STMP1: variants seen among roughly 807,000 people sequenced by gnomAD.
The protein encoded by STMP1 is mitolamban.
STMP1 carries 7 observed loss-of-function variants against 7.0 expected under a neutral mutation model. The ratio of observed to expected loss-of-function variants is 1.01; its 90% CI spans 0.57 to 1.89. STMP1 has a LOEUF of 1.89. Ranked by LOEUF, STMP1 falls within the 40% of genes most tolerant of loss-of-function variation. The pLI is 0.00. For missense variants in STMP1, 45 were observed against 53.0 expected (o/e 0.85, Z 0.47); for synonymous variants, 19 against 18.4 (o/e 1.03, Z -0.08).
At chr7:135,666,933 A>C (rs1052440902) in intron 1 of STMP1, among the ~76,000 whole-genome samples, 3 of 152,150 alleles carry the variant, frequency 2.0e-5, no homozygotes, top group Non-Finnish European at 2.9e-5. Flanking sequence ...CAACTTTTTG[A>C]GGAACTTTTG....
At chr7:135,667,696 CA>C (rs1160710672) in intron 1 of STMP1, among the ~76,000 whole-genome samples, 4 of 151,368 alleles carry the variant, frequency 2.6e-5, no homozygotes, top group South Asian at 2.1e-4. Flanking sequence ...TGATGAGGTC[CA>C]ATTTTTTTTT....
intron 1 of STMP1, among the ~76,000 whole-genome samples, chr7:135,664,871 A>G (rs1162521024): frequency 6.6e-6 from 1 of 152,122 alleles, no homozygotes; most frequent in Non-Finnish European, 1.5e-5. Flanking sequence ...AATGACCATC[A>G]TGTTCTAGTG....
rs1245989067 is a variant in STMP1, at chr7:135,675,657, G to A, written c.*1492G>A. The A allele has an allele frequency of 6.6e-6, 1 of 152,174 alleles. No homozygotes were observed. Among genetic ancestry groups the A allele is most frequent in the East Asian group, 1.9e-4 (1 of 5,194 alleles). 9.4% of individuals were successfully genotyped at this position (152,174 alleles called of 1,614,324 possible). A position where few individuals can be genotyped will look rare whatever the true frequency, so the allele number is the denominator to read the frequency against. On this transcript the variant is annotated 3_prime_UTR_variant, in exon 3 of 3. Coordinates refer to ENST00000507606, the MANE Select transcript of STMP1 (RefSeq NM_001130929.2). ...CTAGCTGTTTTGTTTCAGAGGACTT[G>A]TTGAGCAGCTTCACTAATAATGCCA...
At chr7:135,663,525 A>G (rs1432319510) in intron 1 of STMP1, among the ~76,000 whole-genome samples, 3 of 151,754 alleles carry the variant, frequency 2.0e-5, no homozygotes, top group South Asian at 4.2e-4. Context: ...TTGTATTTTT[A>G]GTAGAGACGG....
intron 1 of STMP1, among the ~76,000 whole-genome samples, chr7:135,671,502 G>A (rs955736927): frequency 4.6e-5 from 7 of 152,182 alleles, no homozygotes; most frequent in Non-Finnish European, 7.4e-5. Flanking sequence ...GAGAAATTAA[G>A]CTCCAGATGG....
At chr7:135,672,878 A>C (rs751522873) in intron 2 of STMP1, 72 bp downstream of exon 2, 4 of 1,244,656 alleles carry the variant, frequency 3.2e-6, no homozygotes, top group Non-Finnish European at 4.6e-6. Flanking sequence ...TGTTTGAGGT[A>C]AGGTGTGACT....
chr7:135,662,769 A>G (rs1467226585), intron 1 of STMP1, among the ~76,000 whole-genome samples, 175 bp downstream of exon 1: 1 of 152,140 alleles, frequency 6.6e-6, no homozygotes, highest in Non-Finnish European at 1.5e-5. Flanking sequence ...CTGCCTCCCC[A>G]GAAAATCCCT....
chr7:135,667,973 T>C (rs1406383668), intron 1 of STMP1, among the ~76,000 whole-genome samples: 1 of 152,232 alleles, frequency 6.6e-6, no homozygotes, highest in Non-Finnish European at 1.5e-5. Flanking sequence ...TAGTGTGAGA[T>C]AGGAGTCCAC....
chr7:135,665,706 C>T (rs1027040462), intron 1 of STMP1: 1 of 151,962 alleles, frequency 6.6e-6, no homozygotes. Context: ...TGAGCACCCC[C>T]CTTTCTTTTA....
rs535529826 is a variant in STMP1 at position 135,663,632 on chromosome 7, C to T, written c.15+1038C>T. 1.5e-4 allele frequency among the ~76,000 whole-genome samples: 23 copies of T among 152,222 alleles called. 1 individual carries two copies. The South Asian group carries it at 3.1e-3, about 21-fold the overall frequency. On this transcript the variant is annotated intron_variant, in intron 1 of 2. Transcript: ENST00000507606. ...GTGCTGGGATTACAGGCGTGAGCCA[C>T]TGCTCCCGGCTCAAATGCTGTATCT... is the stretch of plus-strand genomic sequence containing the variant.
chr7:135,672,368 G>A (rs1255462253), intron 1 of STMP1, among the ~76,000 whole-genome samples: 1 of 152,230 alleles, frequency 6.6e-6, no homozygotes, highest in African/African-American at 2.4e-5. Context: ...AAAAATTGCA[G>A]CATGCAACAA....
In STMP1 at chr7:135,674,162, A is replaced by G. The variant is rs530027937; in HGVS notation, c.141A>G (p.Ala47=). Residue 47 remains alanine, a synonymous_variant, in exon 3 of 3, where the codon GCA becomes GCG. Transcript: ENST00000507606. ...ATGCCAAGAAGAAACCCCCTAGTGC[A>G]TGAGACTGCCTCCAGCACTGCCTTC... ...DLDAKKKPPS[A] 494 of 1,547,908 alleles carry G rather than the reference A, an allele frequency of 3.2e-4. 4 individuals carry two copies. The South Asian group carries it at 5.7e-3, about 18-fold the overall frequency.
intron 1 of STMP1, among the ~76,000 whole-genome samples, chr7:135,663,563 C>G (rs148346249): frequency 6.6e-6 from 1 of 152,100 alleles, no homozygotes; most frequent in Non-Finnish European, 1.5e-5. Flanking sequence ...AGGCTGGTCT[C>G]GAACTCCTGA....
At chr7:135,673,951 A>G (rs1795382956) in intron 2 of STMP1, 140 bp from the exon 3 acceptor site, 2 of 643,648 alleles carry the variant, frequency 3.1e-6, no homozygotes, top group African/African-American at 1.8e-5. Flanking sequence ...AAAGAAAGCA[A>G]AAAGAAATAA....
intron 2 of STMP1, chr7:135,673,073 G>A (rs1417356741): frequency 2.0e-5 from 9 of 440,098 alleles, no homozygotes; most frequent in Admixed American, 4.0e-5. Flanking sequence ...TTAGCCGAGA[G>A]TAATATTAAG....
At chr7:135,664,832 T>C (rs1344328845) in intron 1 of STMP1, among the ~76,000 whole-genome samples, 1 of 152,212 alleles carries the variant, frequency 6.6e-6, no homozygotes, top group Non-Finnish European at 1.5e-5. Flanking sequence ...AGTATTTCTC[T>C]TTGTGTGCAG....
chr7:135,669,192 C>CAT (rs140803848), intron 1 of STMP1, among the ~76,000 whole-genome samples: 9,005 of 152,304 alleles, frequency 0.059, 411 homozygotes, highest in Middle Eastern at 0.13. Flanking sequence ...CCTCCCACAA[C>CAT]GTGGGAATTC....
rs1333665755 is a variant in STMP1, at chr7:135,674,228, TATCTGA to T, written c.*65_*70del. On this transcript the variant is annotated 3_prime_UTR_variant, in exon 3 of 3. Transcript: ENST00000507606. ...TACTGCTCTTGAGGGCCTCGTTTAC[TATCTGA>T]ACCAAAAGCTTTTGTTTTCGTCTCC... 15 of 1,226,240 alleles carry T rather than the reference TATCTGA, an allele frequency of 1.2e-5. No homozygotes were observed. Among genetic ancestry groups the T allele is most frequent in the Non-Finnish European group, 1.5e-5 (13 of 880,790 alleles). 76.0% of individuals were successfully genotyped at this position (1,226,240 alleles called of 1,614,324 possible).
rs1795395194 is a variant in STMP1, at chr7:135,674,908, A to T, written c.*743A>T. ...TGGGATTACAGGTACATTTGATGTT[A>T]TATGATGGATAAGTGAAAAGTTTTT... On this transcript the variant is annotated 3_prime_UTR_variant, in exon 3 of 3. Coordinates refer to ENST00000507606, the MANE Select transcript of STMP1 (RefSeq NM_001130929.2). 6.6e-6 allele frequency: 1 copy of T among 152,214 alleles called. No individual in the cohort carries two copies. Among genetic ancestry groups the T allele is most frequent in the Non-Finnish European group, 1.5e-5 (1 of 68,042 alleles). 9.4% of individuals were successfully genotyped at this position (152,214 alleles called of 1,614,324 possible). A position where few individuals can be genotyped will look rare whatever the true frequency, so the allele number is the denominator to read the frequency against.
Sources: allele counts gnomAD v4.1 joint callset (sites outside exome capture counted in the v4.1 genomes callset), GRCh38; gene constraint gnomAD v4.1.1; transcripts MANE v1.5; gene names NCBI Gene and HGNC (gene_info 2026-07-23, HGNC 2026-07-21).